Variants in RABGAP1 observed in about 807,000 individuals in gnomAD.
RABGAP1 encodes RAB GTPase activating protein 1.
A neutral mutation model predicts 137.6 loss-of-function variants in RABGAP1; 23 were observed. The observed-to-expected ratio is 0.17, with a 90% CI of 0.12 to 0.24. RABGAP1 has a LOEUF of 0.24. RABGAP1 is among the 10% of genes least tolerant of loss of function. The pLI is 1.00. For missense variants in RABGAP1, 906 were observed against 1,275.8 expected (o/e 0.71, Z 4.42); for synonymous variants, 451 against 450.7 (o/e 1.00, Z -0.01).
intron 19 of RABGAP1, among the ~76,000 whole-genome samples, chr9:123,081,305 C>T (rs1172846709): frequency 1.3e-5 from 2 of 152,132 alleles, no homozygotes; most frequent in African/African-American, 2.4e-5. Flanking sequence ...TTTTCAGGTG[C>T]GCAGGGCGTC....
chr9:123,062,377 G>A (rs2034010383), intron 13 of RABGAP1: 1 of 152,210 alleles, frequency 6.6e-6, no homozygotes, highest in Non-Finnish European at 1.5e-5. Flanking sequence ...TAATGTTGCT[G>A]TGTTTTATTT....
At chr9:123,022,495 C>T (rs1439322557) in intron 13 of RABGAP1, among the ~76,000 whole-genome samples, 1 of 151,850 alleles carries the variant, frequency 6.6e-6, no homozygotes, top group Non-Finnish European at 1.5e-5. Flanking sequence ...CAACCTCTGC[C>T]TCCTGGGTTT....
intron 2 of RABGAP1, among the ~76,000 whole-genome samples, chr9:122,971,274 T>G (rs965907345): frequency 6.6e-6 from 1 of 152,208 alleles, no homozygotes; most frequent in Non-Finnish European, 1.5e-5. Flanking sequence ...TTCATGTATG[T>G]TTAGAGTTTG....
chr9:122,961,648 T>C (rs183381087), intron 2 of RABGAP1, among the ~76,000 whole-genome samples: 11 of 152,340 alleles, frequency 7.2e-5, no homozygotes, highest in Admixed American at 3.9e-4. Context: ...TATTTTCTCC[T>C]TTTCTCTTTT....
At chr9:123,009,507 G>C (rs1262959255) in intron 10 of RABGAP1, among the ~76,000 whole-genome samples, 1 of 152,000 alleles carries the variant, frequency 6.6e-6, no homozygotes, top group Admixed American at 6.6e-5. Context: ...AGTTTTCTCT[G>C]TACCTTTTCC....
chr9:123,096,540 C>T (rs979315289), intron 21 of RABGAP1, among the ~76,000 whole-genome samples: 16 of 152,310 alleles, frequency 1.1e-4, no homozygotes, highest in African/African-American at 3.8e-4. Flanking sequence ...CCTTTTGAAT[C>T]TGCGTATCAT....
chr9:122,993,924 A>G (rs1367965377), intron 6 of RABGAP1, among the ~76,000 whole-genome samples: 1 of 152,198 alleles, frequency 6.6e-6, no homozygotes, highest in African/African-American at 2.4e-5. Flanking sequence ...TCGGCCTCCC[A>G]TAGTGCTGGG....
intron 12 of RABGAP1, 85 bp from the exon 13 acceptor site, chr9:123,020,224 A>G (rs1564137766): frequency 3.3e-6 from 4 of 1,227,810 alleles, no homozygotes; most frequent in Admixed American, 2.9e-5. Flanking sequence ...TTTGTAAGCC[A>G]TTTAAATTGA....
chr9:122,949,288 G>A (rs1414049446), intron 1 of RABGAP1, among the ~76,000 whole-genome samples: 2 of 152,154 alleles, frequency 1.3e-5, no homozygotes, highest in Non-Finnish European at 2.9e-5. Context: ...CTAGGTGGGT[G>A]GATTACCCGA....
chr9:123,034,845 C>G (rs1387776060), intron 13 of RABGAP1: 5 of 1,614,064 alleles, frequency 3.1e-6, no homozygotes, highest in African/African-American at 1.3e-5. Context: ...TCCATCACCC[C>G]CTTCCAGTAG....
chr9:123,049,293 G>T (rs989014643), intron 13 of RABGAP1, among the ~76,000 whole-genome samples: 8 of 151,838 alleles, frequency 5.3e-5, no homozygotes, highest in South Asian at 4.2e-4. Flanking sequence ...GGTGTTTTTT[G>T]TTGTTGTTGT....
intron 13 of RABGAP1, among the ~76,000 whole-genome samples, chr9:123,031,998 A>T (rs2032325916): frequency 6.6e-6 from 1 of 152,214 alleles, no homozygotes; most frequent in Non-Finnish European, 1.5e-5. Context: ...GCATAGCCTC[A>T]ATGTATTTGA....
At chr9:123,022,433 G>C (rs1055161105) in intron 13 of RABGAP1, among the ~76,000 whole-genome samples, 1 of 152,102 alleles carries the variant, frequency 6.6e-6, no homozygotes, top group Non-Finnish European at 1.5e-5. Flanking sequence ...ACGGAGTCTA[G>C]CTCTGTCACC....
intron 19 of RABGAP1, among the ~76,000 whole-genome samples, chr9:123,082,122 C>A (rs2034728400): frequency 6.6e-6 from 1 of 151,326 alleles, no homozygotes; most frequent in South Asian, 2.1e-4. Flanking sequence ...TTACTTGCCT[C>A]TCTACTTTTG....
At chr9:122,975,728 A>C (rs1411759949) in intron 2 of RABGAP1, among the ~76,000 whole-genome samples, 1 of 152,202 alleles carries the variant, frequency 6.6e-6, no homozygotes, top group Non-Finnish European at 1.5e-5. Flanking sequence ...GTGGTGTGAG[A>C]GTTAAATGAG....
chr9:123,010,730 G>C (rs1372201353), intron 11 of RABGAP1, among the ~76,000 whole-genome samples: 1 of 152,154 alleles, frequency 6.6e-6, no homozygotes, highest in African/African-American at 2.4e-5. Flanking sequence ...TTGTAACCCA[G>C]TTGGAAAAAT....
intron 25 of RABGAP1, 100 bp from the exon 26 acceptor site, chr9:123,102,991 C>A: frequency 6.9e-7 from 1 of 1,443,266 alleles, no homozygotes; most frequent in Non-Finnish European, 9.2e-7. Context: ...CGAGGCCTCT[C>A]CAGAGTAAAT....
At chr9:123,057,672 A>G (rs976954459) in intron 13 of RABGAP1, among the ~76,000 whole-genome samples, 6 of 152,178 alleles carry the variant, frequency 3.9e-5, no homozygotes, top group Non-Finnish European at 8.8e-5. Flanking sequence ...AGAGGCTGCA[A>G]TCTCGGCACT....
intron 21 of RABGAP1, among the ~76,000 whole-genome samples, chr9:123,090,850 T>G (rs2035011955): frequency 6.6e-6 from 1 of 152,236 alleles, no homozygotes; most frequent in African/African-American, 2.4e-5. Flanking sequence ...TGTTTCATTT[T>G]TCTTTGCTTC....
Sources: allele counts gnomAD v4.1 joint callset (sites outside exome capture counted in the v4.1 genomes callset), GRCh38; gene constraint gnomAD v4.1.1; transcripts MANE v1.5; gene names NCBI Gene and HGNC (gene_info 2026-07-23, HGNC 2026-07-21).